The following CDK15 variants were observed in gnomAD, a reference collection of about 807,000 sequenced individuals.
CDK15 encodes the protein cyclin dependent kinase 15, also known as cyclin-dependent kinase 15.
Under a neutral mutation model 60.3 loss-of-function variants are expected in CDK15, and 62 were observed. That is an observed-to-expected ratio of 1.03 (90% CI 0.84 to 1.27). CDK15 has a LOEUF of 1.27. Among genes scored for constraint, CDK15 ranks in the 50% most tolerant of loss-of-function variants. The probability of loss-of-function intolerance (pLI) is 0.00; values close to 1 mark genes in which losing one functional copy is unlikely to be tolerated. For missense variants in CDK15, 541 were observed against 527.8 expected, an observed-to-expected ratio of 1.03 and a Z score of -0.25; for synonymous variants, 194 against 195.7, an observed-to-expected ratio of 0.99 and a Z score of 0.07.
At chr2:201,827,955 G>T (rs1574865118) in intron 6 of CDK15, among the ~76,000 whole-genome samples, 3 of 152,172 alleles carry the variant, frequency 2.0e-5, no homozygotes, top group Admixed American at 6.5e-5. Context: ...AGTAATCAAG[G>T]TTGATATTAT....
intron 6 of CDK15, among the ~76,000 whole-genome samples, chr2:201,832,616 T>A (rs1696808252): frequency 6.6e-6 from 1 of 152,164 alleles, no homozygotes; most frequent in African/African-American, 2.4e-5. Context: ...TCATAAGAAA[T>A]TTTTAAAATA....
chr2:201,845,862 AGAG>A (rs763105426), intron 8 of CDK15, among the ~76,000 whole-genome samples: 1 of 151,334 alleles, frequency 6.6e-6, no homozygotes, highest in Non-Finnish European at 1.5e-5. Flanking sequence ...AGAGAGAGAG[AGAG>A]AAGTATGGGG....
At chr2:201,808,035 C>T (rs1695597387) in intron 3 of CDK15, 83 bp downstream of exon 3, 6 of 1,118,950 alleles carry the variant, frequency 5.4e-6, no homozygotes, top group Non-Finnish European at 7.9e-6. Flanking sequence ...GGTGAGACAT[C>T]ATAGAAGTTC....
chr2:201,865,682 G>A (rs1559141559), intron 10 of CDK15, among the ~76,000 whole-genome samples: 1 of 151,872 alleles, frequency 6.6e-6, no homozygotes, highest in Non-Finnish European at 1.5e-5. Flanking sequence ...CTGAGGTTAG[G>A]AGTTCAAGAC....
intron 11 of CDK15, among the ~76,000 whole-genome samples, chr2:201,875,752 T>C (rs368062101): frequency 6.6e-6 from 1 of 152,196 alleles, no homozygotes; most frequent in Non-Finnish European, 1.5e-5. Flanking sequence ...AAACTATACC[T>C]GTCTAAAAGC....
intron 4 of CDK15, among the ~76,000 whole-genome samples, chr2:201,819,723 T>C (rs144904626): frequency 1.3e-5 from 2 of 152,288 alleles, no homozygotes; most frequent in African/African-American, 4.8e-5. Context: ...TAGATTTGTA[T>C]GTGATAAAAA....
chr2:201,838,159 A>G (rs915178367), intron 8 of CDK15, among the ~76,000 whole-genome samples: 4 of 151,716 alleles, frequency 2.6e-5, no homozygotes, highest in African/African-American at 9.7e-5. Context: ...TATATAACAT[A>G]TATGTAGATC....
At position 201,886,941 on chromosome 2, in the gene CDK15, G is replaced by A. The variant is rs547402356; in HGVS notation, c.1199-3844G>A. The stretch of plus-strand genomic sequence containing the variant: ...TGCAAAGTGTTATAGCATGCATATC[G>A]GGAGCCATAAAAATGATCATACCCT... On this transcript the variant is annotated intron_variant, in intron 12 of 13. Transcript: ENST00000652192. Among the ~76,000 whole-genome samples, 20 of 152,206 alleles carry A rather than the reference G, an allele frequency of 1.3e-4. No homozygotes were observed. In the East Asian group the frequency reaches 2.3e-3, roughly 18 times the overall value.
chr2:201,829,083 C>T (rs1056748423), intron 6 of CDK15, among the ~76,000 whole-genome samples: 7 of 152,030 alleles, frequency 4.6e-5, no homozygotes, highest in African/African-American at 9.7e-5. Flanking sequence ...TTATATCAGG[C>T]GCCATTAAAT....
At chr2:201,880,741 A>G (rs547137190) in intron 12 of CDK15, among the ~76,000 whole-genome samples, 100 of 152,304 alleles carry the variant, frequency 6.6e-4, no homozygotes, top group African/African-American at 2.3e-3. Context: ...GCCTGAAGTC[A>G]TCTTCCAAAC....
At chr2:201,833,140 A>G (rs1696829733) in intron 6 of CDK15, among the ~76,000 whole-genome samples, 2 of 144,900 alleles carry the variant, frequency 1.4e-5, no homozygotes, top group South Asian at 4.5e-4. Context: ...TTATTTCTCC[A>G]CCACTACCAT....
chr2:201,870,367 G>T (rs1009741853), intron 10 of CDK15, among the ~76,000 whole-genome samples: 2 of 152,020 alleles, frequency 1.3e-5, no homozygotes, highest in African/African-American at 4.8e-5. Context: ...GTGATGAACA[G>T]CCTTGGTTTA....
chr2:201,873,071 G>A (rs1025549776), intron 11 of CDK15, among the ~76,000 whole-genome samples: 1 of 152,140 alleles, frequency 6.6e-6, no homozygotes, highest in Non-Finnish European at 1.5e-5. Context: ...CACTGGCCAA[G>A]ATCCTGACTG....
chr2:201,812,443 C>A, intron 3 of CDK15, 40 bp from the exon 4 acceptor site: 2 of 1,403,296 alleles, frequency 1.4e-6, no homozygotes, highest in Non-Finnish European at 2.0e-6. Context: ...TGCTTTGAAC[C>A]ACCTCAATAA....
chr2:201,822,898 T>C lies in CDK15; in HGVS notation c.538T>C (p.Tyr180His). ...TKETLTFVFE[Y>H]MHTDLAQYMS... ...AGAGACACTGACATTCGTTTTTGAA[T>C]ACATGGTGAGTTGTTCGAGCATTTT... The change falls in exon 5 of 14, where the codon TAC becomes CAC. Residue 180 changes from tyrosine to histidine, a missense_variant. Physicochemically the swap from Tyr to His is moderately conservative, Grantham distance 83 (BLOSUM62 2). Transcript: ENST00000652192. 1 of 1,597,298 alleles carries C rather than the reference T, an allele frequency of 6.3e-7. No individual in the cohort carries two copies. Among genetic ancestry groups the C allele is most frequent in the Non-Finnish European group, 8.6e-7 (1 of 1,164,750 alleles).
At chr2:201,823,489 T>C (rs972882785) in intron 5 of CDK15, among the ~76,000 whole-genome samples, 176 bp from the exon 6 acceptor site, 1 of 152,194 alleles carries the variant, frequency 6.6e-6, no homozygotes, top group African/African-American at 2.4e-5. Context: ...AAAGACACAC[T>C]GTGTTTGACC....
chr2:201,842,407 T>G (rs1472642349), intron 8 of CDK15, among the ~76,000 whole-genome samples: 1 of 152,222 alleles, frequency 6.6e-6, no homozygotes, highest in East Asian at 1.9e-4. Flanking sequence ...GAAAGTTGTC[T>G]CTGCCTAACA....
At chr2:201,811,160 T>G (rs1695746427) in intron 3 of CDK15, among the ~76,000 whole-genome samples, 1 of 149,664 alleles carries the variant, frequency 6.7e-6, no homozygotes, top group Non-Finnish European at 1.5e-5. Flanking sequence ...TGCACTTTTT[T>G]TTTTTTTTGA....
chr2:201,876,110 CA>C (rs1699068708), intron 11 of CDK15, among the ~76,000 whole-genome samples: 1 of 152,046 alleles, frequency 6.6e-6, no homozygotes, highest in Admixed American at 6.5e-5. Context: ...GGCAAATTAA[CA>C]TTTGTGATGT....
Sources: allele counts gnomAD v4.1 joint callset (sites outside exome capture counted in the v4.1 genomes callset), GRCh38; gene constraint gnomAD v4.1.1; transcripts MANE v1.5; gene names NCBI Gene and HGNC (gene_info 2026-07-23, HGNC 2026-07-21).